The following CACNG6 variants were observed in gnomAD, a reference collection of about 807,000 sequenced individuals.
The protein encoded by CACNG6 is calcium voltage-gated channel auxiliary subunit gamma 6, also known as voltage-dependent calcium channel gamma-6 subunit.
Under a neutral mutation model 23.9 loss-of-function variants are expected in CACNG6, and 21 were observed. The ratio of observed to expected loss-of-function variants is 0.88; its 90% CI spans 0.62 to 1.26. The LOEUF (loss-of-function observed/expected upper bound fraction) is 1.26. Among genes scored for constraint, CACNG6 ranks in the 50% most tolerant of loss-of-function variants. The pLI is 0.00. For missense variants in CACNG6, 340 were observed against 352.9 expected (o/e 0.96, Z 0.29); for synonymous variants, 182 against 168.9 (o/e 1.08, Z -0.60).
rs572689360 is a variant in CACNG6 at position 54,003,744 on chromosome 19, C to T, written c.544+3973C>T. Among the ~76,000 whole-genome samples, 75 of 152,316 alleles carry T rather than the reference C, an allele frequency of 4.9e-4. 1 individual carries two copies. Among genetic ancestry groups the T allele is most frequent in the Middle Eastern group, 6.8e-3 (2 of 294 alleles). On this transcript the variant is annotated intron_variant, in intron 3 of 3. Coordinates refer to ENST00000252729, the MANE Select transcript of CACNG6 (RefSeq NM_145814.2). ...CCCTCGGTTTCACTAATCCAAGCCA[C>T]GGCTATATTTCCCCGAGGTAATTTC...
intron 1 of CACNG6, among the ~76,000 whole-genome samples, chr19:53,993,579 C>T (rs1191774996): frequency 6.6e-6 from 1 of 151,150 alleles, no homozygotes; most frequent in Non-Finnish European, 1.5e-5. Context: ...GAGTCTGTAC[C>T]CCTATTCTGC....
At chr19:54,005,551 C>T (rs34327770) in intron 3 of CACNG6, among the ~76,000 whole-genome samples, 36,205 of 151,314 alleles carry the variant, frequency 0.24, 4,829 homozygotes, top group Non-Finnish European at 0.3. Context: ...ATTAGGAGTT[C>T]GAGACCAGCC....
rs118068269 is a variant in CACNG6, at chr19:54,008,477, G to A, written c.545-3474G>A. ...GGACTCCAGGGTCTGGAGAGAAGGC[G>A]GCTGGGATCCATGACTCATGCGTGA... On this transcript the variant is annotated intron_variant, in intron 3 of 3. Coordinates refer to ENST00000252729, the MANE Select transcript of CACNG6 (RefSeq NM_145814.2). 3.1e-3 allele frequency among the ~76,000 whole-genome samples: 471 copies of A among 152,322 alleles called. 13 individuals carry two copies. The highest frequency in any genetic ancestry group is 0.025 in the East Asian group (128 of 5,184).
At chr19:54,005,426 A>G (rs1600061727) in intron 3 of CACNG6, among the ~76,000 whole-genome samples, 1 of 102,722 alleles carries the variant, frequency 9.7e-6, no homozygotes, top group Admixed American at 1.2e-4. Flanking sequence ...TAGTCTCATA[A>G]CCTGATCTCA....
chr19:53,996,530 T>C (rs2069523049), intron 1 of CACNG6, among the ~76,000 whole-genome samples: 1 of 151,932 alleles, frequency 6.6e-6, no homozygotes, highest in Non-Finnish European at 1.5e-5. Context: ...GTAGCTGGGA[T>C]TACAGGCATG....
At chr19:54,011,205 A>AAAAATATAT (rs58054808) in intron 3 of CACNG6, among the ~76,000 whole-genome samples, 63 of 102,476 alleles carry the variant, frequency 6.1e-4, no homozygotes, top group African/African-American at 2.8e-3. Flanking sequence ...AAAAAAAAAA[A>AAAAATATAT]ATATATATAT....
intron 1 of CACNG6, among the ~76,000 whole-genome samples, chr19:53,993,878 C>G (rs1258774917): frequency 1.3e-5 from 2 of 151,496 alleles, no homozygotes; most frequent in East Asian, 1.9e-4. Context: ...ATCGCTGTGT[C>G]CCCCCAGACC....
Position 53,992,990 on chromosome 19 carries a change from A to G in CACNG6, c.113A>G (p.Lys38Arg). The G allele has an allele frequency of 6.9e-7, 1 of 1,442,146 alleles. No homozygotes were observed. The highest frequency in any genetic ancestry group is 9.1e-7 in the Non-Finnish European group (1 of 1,100,048). The allele number at this position is 1,442,146 out of a possible 1,614,324, so 89.3% of individuals were successfully genotyped here. ...RSGLTPEREG[K>R]VKLALLLAAV... ...GGGCTGACGCCCGAGCGCGAGGGGA[A>G]GGTGAAGCTGGCGCTGCTGCTGGCC... The change falls in exon 1 of 4, where the codon AAG (lysine) becomes AGG (arginine). Residue 38 changes from lysine (K) to arginine (R), a missense_variant. Lys to Arg is a conservative substitution (Grantham distance 26, BLOSUM62 2). Coordinates refer to ENST00000252729, the MANE Select transcript of CACNG6 (RefSeq NM_145814.2). The surrounding 1 kb of genome is among the most constrained non-coding windows in gnomAD (Gnocchi z 4.1).
chr19:54,007,071 C>A (rs1316737660), intron 3 of CACNG6, among the ~76,000 whole-genome samples: 1 of 151,970 alleles, frequency 6.6e-6, no homozygotes, highest in African/African-American at 2.4e-5. Context: ...TTTTTTGAGA[C>A]AGGGTCTCAC....
At chr19:53,998,208 C>T (rs201837939) in intron 1 of CACNG6, 31 bp from the exon 2 acceptor site, 4 of 1,599,884 alleles carry the variant, frequency 2.5e-6, no homozygotes, top group East Asian at 2.2e-5. Flanking sequence ...CTCACATCCT[C>T]ATGTCTGTTT....
Position 54,004,335 on chromosome 19 carries a change from T to TTGTGTG in CACNG6, c.544+4616_544+4621dup, listed in dbSNP as rs4022332. On this transcript the variant is annotated intron_variant, in intron 3 of 3. Transcript: ENST00000252729. ...ACCACGCCTGGTTAATTTTGTATTT[T>TTGTGTG]TGTGTGTGTGTGTGTGTGTGTGTGT... Among the ~76,000 whole-genome samples, 149 of 107,316 alleles carry TTGTGTG rather than the reference T, an allele frequency of 1.4e-3. 2 individuals carry two copies. The highest frequency in any genetic ancestry group is 3.6e-3 in the Admixed American group (38 of 10,516). 70.4% of individuals were successfully genotyped at this position (107,316 alleles called of 152,430 possible). A position where few individuals can be genotyped will look rare whatever the true frequency, so the allele number is the denominator to read the frequency against.
chr19:53,997,521 C>T (rs2069532515), intron 1 of CACNG6, among the ~76,000 whole-genome samples: 1 of 152,122 alleles, frequency 6.6e-6, no homozygotes, highest in South Asian at 2.1e-4. Flanking sequence ...AGTGCCTTCC[C>T]AAAAGACTAG....
At chr19:53,991,355 C>T (rs991081448), upstream of CACNG6, among the ~76,000 whole-genome samples, 1 of 152,002 alleles carries the variant, frequency 6.6e-6, no homozygotes, top group Non-Finnish European at 1.5e-5. Flanking sequence ...CTTGCTGCCC[C>T]GCCCGTCTCC....
At chr19:53,993,979 C>G (rs533805870) in intron 1 of CACNG6, among the ~76,000 whole-genome samples, 11 of 152,178 alleles carry the variant, frequency 7.2e-5, no homozygotes, top group African/African-American at 2.2e-4. Context: ...AGCTGGTGTC[C>G]TCAGATAGCC....
chr19:53,995,500 G>A (rs1229970617), intron 1 of CACNG6, among the ~76,000 whole-genome samples: 6 of 152,208 alleles, frequency 3.9e-5, no homozygotes, highest in Middle Eastern at 3.4e-3. Context: ...GGGGGTGGTC[G>A]AATTGGGATG....
intron 1 of CACNG6, among the ~76,000 whole-genome samples, chr19:53,995,221 A>G (rs1182701572): frequency 2.6e-5 from 4 of 152,120 alleles, no homozygotes; most frequent in Non-Finnish European, 4.4e-5. Context: ...GGGGTGGCCC[A>G]TCCCATCTCA....
intron 1 of CACNG6, 38 bp from the exon 2 acceptor site, chr19:53,998,201 A>G: frequency 6.3e-7 from 1 of 1,585,992 alleles, no homozygotes; most frequent in Non-Finnish European, 8.7e-7. Context: ...AAGGGACCTC[A>G]CATCCTCATG....
Position 53,993,146 on chromosome 19 carries a change from G to A in CACNG6, c.269G>A (p.Arg90Gln), listed in dbSNP as rs1042979812. 4 of 1,546,646 alleles carry A rather than the reference G, an allele frequency of 2.6e-6. No homozygotes were observed. In the African/African-American group the frequency reaches 4.1e-5, roughly 16 times the overall value. ...HLGLWKACTK[R>Q]LWQADVPVDR... Reference sequence around the variant, plus strand: ...GGGCTGTGGAAGGCGTGCACCAAGCGGCTGTGGCAGGCGGACGTGCCCGTG... The same window carrying A: ...GGGCTGTGGAAGGCGTGCACCAAGCAGCTGTGGCAGGCGGACGTGCCCGTG... Residue 90 changes from arginine (R) to glutamine (Q), a missense_variant, in exon 1 of 4, where the codon CGG becomes CAG. Transcript: ENST00000252729.
At chr19:54,004,367 G>C in intron 3 of CACNG6, among the ~76,000 whole-genome samples, 1 of 148,252 alleles carries the variant, frequency 6.7e-6, no homozygotes, top group East Asian at 2.0e-4. Context: ...GTGTGTGTGT[G>C]TGTGTGTGTG....
Sources: gnomAD v4.1 joint callset for allele counts (sites outside exome capture counted in the v4.1 genomes callset) on GRCh38, gnomAD v4.1.1 for gene constraint, Gnocchi (gnomAD v3.1) non-coding constraint, MANE v1.5 for transcripts, NCBI Gene and HGNC (gene_info 2026-07-23, HGNC 2026-07-21) for gene names.